CTSC: variants seen among roughly 807,000 people sequenced by gnomAD.
CTSC encodes the protein dipeptidyl peptidase 1.
A neutral mutation model predicts 40.9 loss-of-function variants in CTSC; 37 were observed. The ratio of observed to expected loss-of-function variants is 0.91; its 90% confidence interval spans 0.70 to 1.19. The LOEUF (loss-of-function observed/expected upper bound fraction) is 1.19. Among genes scored for constraint, CTSC ranks in the 50% most tolerant of loss-of-function variants. The pLI is 0.00. For synonymous variants in CTSC, 232 were observed against 207.4 expected (o/e 1.12, Z -1.02); for missense variants, 594 against 567.3 (o/e 1.05, Z -0.48).
At chr11:88,301,851 G>A (rs1020181778) in intron 4 of CTSC, among the ~76,000 whole-genome samples, 1 of 150,926 alleles carries the variant, frequency 6.6e-6, no homozygotes, top group Non-Finnish European at 1.5e-5. Flanking sequence ...GAGAACCACA[G>A]CTTTAGACAC....
chr11:88,302,730 T>C (rs1430156318), intron 4 of CTSC, among the ~76,000 whole-genome samples: 1 of 151,826 alleles, frequency 6.6e-6, no homozygotes, highest in Non-Finnish European at 1.5e-5. Flanking sequence ...AATTGTAACC[T>C]TGACAATTGT....
At position 88,337,621 on chromosome 11, in the gene CTSC, C is replaced by T. The variant is rs771363775; in HGVS notation, c.52G>A (p.Gly18Ser). ...GTGTCGCAGCGCACGGCGCCGTCGC[C>T]GGAGAGAAGCAGCAGGAGGGCGGCG... ...LLAALLLLLS[G>S]DGAVRCDTPA... is the part of the protein sequence containing the mutation. Residue 18 changes from glycine (G) to serine (S), a missense_variant, in exon 1 of 7, where the codon GGC becomes AGC. Physicochemically the swap from Gly to Ser is moderately conservative, Grantham distance 56. Coordinates refer to ENST00000227266, the MANE Select transcript of CTSC (RefSeq NM_001814.6). 1.3e-6 allele frequency: 2 copies of T among 1,582,952 alleles called. No homozygotes were observed. The highest frequency in any genetic ancestry group is 1.3e-5 in the African/African-American group (1 of 74,280).
intron 2 of CTSC, among the ~76,000 whole-genome samples, chr11:88,329,915 T>C (rs531515902): frequency 8.5e-5 from 13 of 152,284 alleles, no homozygotes; most frequent in African/African-American, 2.6e-4. Context: ...TTAGTGGAGA[T>C]GAGGTTTCAC....
chr11:88,309,812 G>GCACACACACA (rs746757518), intron 3 of CTSC, among the ~76,000 whole-genome samples: 1 of 107,994 alleles, frequency 9.3e-6, no homozygotes, highest in South Asian at 2.6e-4. Context: ...ATATGTATGC[G>GCACACACACA]CGCACACACA....
intron 3 of CTSC, 106 bp downstream of exon 3, chr11:88,312,282 G>A: frequency 9.1e-7 from 1 of 1,102,160 alleles, no homozygotes; most frequent in Non-Finnish European, 1.4e-6. Context: ...ATATTTCTAA[G>A]CCAAAGATAT....
intron 2 of CTSC, among the ~76,000 whole-genome samples, chr11:88,318,486 T>C (rs150036450): frequency 2.0e-5 from 3 of 152,234 alleles, no homozygotes; most frequent in Admixed American, 6.5e-5. Context: ...CATGCCTTCA[T>C]AGAACTTATA....
chr11:88,332,424 G>T (rs1381923339), intron 2 of CTSC, among the ~76,000 whole-genome samples: 1 of 152,138 alleles, frequency 6.6e-6, no homozygotes, highest in African/African-American at 2.4e-5. Context: ...GGTAAAATCT[G>T]TAAACTTTCT....
chr11:88,329,173 G>GA (rs1395913564), intron 2 of CTSC, among the ~76,000 whole-genome samples: 1 of 58,642 alleles, frequency 1.7e-5, no homozygotes, highest in African/African-American at 6.1e-5. Flanking sequence ...AGTAAAATGA[G>GA]AAACAGTAGG....
chr11:88,334,225 T>G (rs1938433371), intron 2 of CTSC, among the ~76,000 whole-genome samples: 1 of 152,218 alleles, frequency 6.6e-6, no homozygotes, highest in Non-Finnish European at 1.5e-5. Context: ...CCATTTAATA[T>G]TTAGCTTACA....
At chr11:88,299,175 C>T (rs1228059620) in intron 5 of CTSC, 1 of 152,178 alleles carries the variant, frequency 6.6e-6, no homozygotes, top group Admixed American at 6.5e-5. Context: ...CATGCCAATG[C>T]TATCATGTGC....
chr11:88,303,944 T>C (rs1261162851), intron 4 of CTSC, among the ~76,000 whole-genome samples: 1 of 151,850 alleles, frequency 6.6e-6, no homozygotes, highest in East Asian at 1.9e-4. Context: ...GACTCTGTTT[T>C]CTGAGGCCTA....
At chr11:88,326,596 A>G (rs1002548322) in intron 2 of CTSC, among the ~76,000 whole-genome samples, 1 of 152,112 alleles carries the variant, frequency 6.6e-6, no homozygotes, top group Non-Finnish European at 1.5e-5. Context: ...TAAGACATTC[A>G]CAGGAAAGAT....
intron 4 of CTSC, among the ~76,000 whole-genome samples, chr11:88,307,952 TG>T (rs953063997): frequency 6.6e-6 from 1 of 152,164 alleles, no homozygotes; most frequent in Non-Finnish European, 1.5e-5. Flanking sequence ...TATGGGAAAC[TG>T]GAGTTTTATT....
At chr11:88,317,735 A>C (rs888701595) in intron 2 of CTSC, among the ~76,000 whole-genome samples, 1 of 152,140 alleles carries the variant, frequency 6.6e-6, no homozygotes, top group African/African-American at 2.4e-5. Flanking sequence ...GCAGCCAAAA[A>C]ATTTTTCTGA....
intron 5 of CTSC, chr11:88,299,731 C>T (rs928261513): frequency 6.6e-6 from 1 of 152,134 alleles, no homozygotes; most frequent in Non-Finnish European, 1.5e-5. Context: ...AATACTAAAC[C>T]TATTTTATAG....
chr11:88,323,568 A>T (rs1938090260), intron 2 of CTSC: 1 of 152,170 alleles, frequency 6.6e-6, no homozygotes, highest in African/African-American at 2.4e-5. Flanking sequence ...CAACTTCGGT[A>T]AAGTCTCAGG....
At chr11:88,306,450 A>G (rs1385777013) in intron 4 of CTSC, among the ~76,000 whole-genome samples, 2 of 143,132 alleles carry the variant, frequency 1.4e-5, no homozygotes, top group South Asian at 2.4e-4. Flanking sequence ...TCCTTCCCCC[A>G]TATAAACCCA....
At chr11:88,317,841 AATAG>A (rs537832405) in intron 2 of CTSC, among the ~76,000 whole-genome samples, 6 of 152,358 alleles carry the variant, frequency 3.9e-5, no homozygotes, top group South Asian at 4.1e-4. Flanking sequence ...TACTGCAACA[AATAG>A]ATAATTTCCT....
chr11:88,332,935 A>G (rs548377452), intron 2 of CTSC, among the ~76,000 whole-genome samples: 6 of 152,234 alleles, frequency 3.9e-5, no homozygotes, highest in African/African-American at 1.2e-4. Context: ...TTGGGAACAC[A>G]TATAACTTTA....
Sources: gnomAD v4.1 joint callset for allele counts (sites outside exome capture counted in the v4.1 genomes callset) on GRCh38, gnomAD v4.1.1 for gene constraint, MANE v1.5 for transcripts, NCBI Gene and HGNC (gene_info 2026-07-23, HGNC 2026-07-21) for gene names.